Variants in CNOT1 observed in about 807,000 individuals in gnomAD.
CNOT1 encodes the protein CCR4-NOT transcription complex subunit 1.
Under a neutral mutation model 273.8 loss-of-function variants are expected in CNOT1, and 15 were observed. That is an observed-to-expected ratio of 0.05 (90% CI 0.04 to 0.08). The LOEUF (loss-of-function observed/expected upper bound fraction) is 0.08. CNOT1 is among the 10% of genes least tolerant of loss of function. The pLI is 1.00. For synonymous variants in CNOT1, 1,022 were observed against 1,005.5 expected (o/e 1.02, Z -0.31); for missense variants, 1,644 against 2,912.2 (o/e 0.56, Z 10.02).
chr16:58,549,186 C>G (rs767322275), intron 25 of CNOT1, among the ~76,000 whole-genome samples: 42 of 151,040 alleles, frequency 2.8e-4, no homozygotes, highest in Non-Finnish European at 5.6e-4. Flanking sequence ...ACTCGGGAGG[C>G]TGAAGTAAGA....
At chr16:58,583,398 C>T (rs552673500) in intron 8 of CNOT1, among the ~76,000 whole-genome samples, 33 of 152,270 alleles carry the variant, frequency 2.2e-4, no homozygotes, top group African/African-American at 7.2e-4. Flanking sequence ...CTAAGTAACT[C>T]GGGAATGGAA....
intron 10 of CNOT1, among the ~76,000 whole-genome samples, chr16:58,582,287 G>A (rs547858384): frequency 9.5e-4 from 144 of 152,050 alleles, no homozygotes; most frequent in African/African-American, 3.4e-3. Flanking sequence ...GTGAGACTCC[G>A]TCTAAAAAAA....
intron 3 of CNOT1, 59 bp from the exon 4 acceptor site, chr16:58,587,937 G>C (rs1338599065): frequency 1.4e-6 from 2 of 1,479,162 alleles, no homozygotes; most frequent in Non-Finnish European, 1.9e-6. Flanking sequence ...ACAAACAGAA[G>C]CTGAGGTACT....
In CNOT1 at chr16:58,560,249, G is replaced by A. The variant is rs1273997659; in HGVS notation, c.2093C>T (p.Pro698Leu). The change falls in exon 17 of 49, where the codon CCT becomes CTT. Residue 698 changes from proline to leucine, a missense_variant. Transcript: ENST00000317147. ...PPGVMPKGRP[P>L]SASSLDAISP... Reference sequence around the variant, plus strand: ...AATGGCATCTAAGCTGCTAGCACTAGGAGGACGTCCTTTTGGCATAACTCC... The same window carrying A: ...AATGGCATCTAAGCTGCTAGCACTAAGAGGACGTCCTTTTGGCATAACTCC... 1.2e-6 allele frequency: 2 copies of A among 1,613,974 alleles called. No homozygotes were observed. The highest frequency in any genetic ancestry group is 1.3e-5 in the African/African-American group (1 of 74,914).
rs1406682881 is a variant in CNOT1, at chr16:58,581,332, A to G, written c.1215+13T>C. The G allele has an allele frequency of 1.3e-6, 2 of 1,599,398 alleles. No homozygotes were observed. The highest frequency in any genetic ancestry group is 1.3e-5 in the African/African-American group (1 of 74,338). On this transcript the variant is annotated intron_variant, in intron 11 of 48. Coordinates refer to ENST00000317147, the MANE Select transcript of CNOT1 (RefSeq NM_016284.5). ...TTTATTCCCCCATCTATAGCTAAAT[A>G]CCACTTACTCACCTGGCCTTCAGCA...
intron 1 of CNOT1, among the ~76,000 whole-genome samples, chr16:58,605,666 T>A (rs1401857802): frequency 6.6e-6 from 1 of 152,116 alleles, no homozygotes; most frequent in African/African-American, 2.4e-5. Context: ...AAGCAATAAA[T>A]TACCTCTTTA....
chr16:58,568,697 A>AG (rs1961526097), intron 16 of CNOT1, among the ~76,000 whole-genome samples: 1 of 151,262 alleles, frequency 6.6e-6, no homozygotes. Flanking sequence ...AAAAAAAGAG[A>AG]GAAAAAAAAA....
At chr16:58,596,917 A>C (rs12925508) in intron 2 of CNOT1, among the ~76,000 whole-genome samples, 3 of 119,924 alleles carry the variant, frequency 2.5e-5, no homozygotes, top group East Asian at 4.8e-4. Flanking sequence ...AAAAAAAAAA[A>C]CAAAAGTCAA....
At chr16:58,605,442 G>A (rs368275399) in intron 1 of CNOT1, among the ~76,000 whole-genome samples, 2 of 151,626 alleles carry the variant, frequency 1.3e-5, no homozygotes, top group Non-Finnish European at 2.9e-5. Flanking sequence ...GGCGGAGGCT[G>A]AAGTGAGCTG....
chr16:58,583,181 T>C lies in CNOT1; in HGVS notation c.808A>G (p.Ile270Val). Residue 270 changes from isoleucine (I) to valine (V), a missense_variant and splice_region_variant, in exon 9 of 49, where the codon ATT becomes GTT. Ile to Val is a conservative substitution (Grantham distance 29). Around this residue, in one of 13 missense-constraint regions of CNOT1, gnomAD observed 706 missense variants for 1,021.2 expected, o/e 0.69. Transcript: ENST00000317147. ...ACGATTATATTGCGACATTCTTCAA[T>C]ACTGAAACAGAAATATAACTTCAGA... ...QEVGYGFCAS[I>V]EECRNIIVQF... 1 of 1,613,160 alleles carries C rather than the reference T, an allele frequency of 6.2e-7. No homozygotes were observed. The highest frequency in any genetic ancestry group is 1.1e-5 in the South Asian group (1 of 90,956).
chr16:58,554,743 C>A (rs2040572471), intron 21 of CNOT1, among the ~76,000 whole-genome samples: 1 of 151,382 alleles, frequency 6.6e-6, no homozygotes, highest in Non-Finnish European at 1.5e-5. Context: ...CAAGACCAGC[C>A]TGGCCAACAT....
intron 7 of CNOT1, 93 bp from the exon 8 acceptor site, chr16:58,585,599 C>T (rs1219198892): frequency 1.3e-6 from 2 of 1,487,146 alleles, no homozygotes; most frequent in African/African-American, 2.8e-5. Flanking sequence ...CCAATTCTCT[C>T]ACAAGTTCAT....
Position 58,538,687 on chromosome 16 carries a change from G to C in CNOT1, c.5135+85C>G, listed in dbSNP as rs1022163666. ...TCCGACCTACCTACTAGAAAAAAGG[G>C]AAACCCCTGGACATAAACAGTACTA... On this transcript the variant is annotated intron_variant, in intron 36 of 48. Transcript: ENST00000317147. 1.9e-5 allele frequency: 29 copies of C among 1,549,084 alleles called. No individual in the cohort carries two copies. In the Middle Eastern group the frequency reaches 8.7e-4, roughly 46 times the overall value.
intron 39 of CNOT1, among the ~76,000 whole-genome samples, chr16:58,535,650 T>G (rs1489078131): frequency 6.6e-6 from 1 of 152,178 alleles, no homozygotes; most frequent in African/African-American, 2.4e-5. Context: ...GCTTTGTAAT[T>G]CCCTGGATTC....
chr16:58,629,395 C>G (rs1361484450), intron 1 of CNOT1, among the ~76,000 whole-genome samples: 1 of 152,180 alleles, frequency 6.6e-6, no homozygotes, highest in East Asian at 1.9e-4. Flanking sequence ...CCAGGCCCAG[C>G]GACACGAACT....
At chr16:58,537,301 T>C in intron 38 of CNOT1, 81 bp from the exon 39 acceptor site, 1 of 1,503,122 alleles carries the variant, frequency 6.7e-7, no homozygotes, top group South Asian at 1.4e-5. Context: ...GTTTGCTTAT[T>C]TAACAGCAAC....
intron 1 of CNOT1, among the ~76,000 whole-genome samples, chr16:58,609,877 A>T (rs2042830546): frequency 6.6e-6 from 1 of 150,380 alleles, no homozygotes; most frequent in Non-Finnish European, 1.5e-5. Context: ...ATAATAATAC[A>T]TTAACATATA....
intron 2 of CNOT1, among the ~76,000 whole-genome samples, chr16:58,598,351 T>C (rs1049497685): frequency 6.7e-6 from 1 of 149,698 alleles, no homozygotes; most frequent in African/African-American, 2.5e-5. Flanking sequence ...TGAGCTGAGA[T>C]TGTGCCACTG....
intron 14 of CNOT1, 148 bp from the exon 15 acceptor site, chr16:58,575,277 A>T: frequency 8.6e-7 from 1 of 1,156,698 alleles, no homozygotes; most frequent in Non-Finnish European, 1.2e-6. Context: ...GCTAAGCACA[A>T]TTCAGGGGTA....
Sources: gnomAD v4.1 joint callset for allele counts (sites outside exome capture counted in the v4.1 genomes callset) on GRCh38, gnomAD v4.1.1 for gene constraint, gnomAD v4.1.1 regional missense constraint, MANE v1.5 for transcripts, NCBI Gene and HGNC (gene_info 2026-07-23, HGNC 2026-07-21) for gene names.